The following BRINP2 variants were observed in gnomAD, a reference collection of about 807,000 sequenced individuals.
The protein encoded by BRINP2 is BMP/retinoic acid-inducible neural-specific protein 2.
BRINP2 carries 21 observed loss-of-function variants against 69.2 expected under a neutral mutation model. The observed-to-expected ratio is 0.30, with a 90% CI of 0.22 to 0.44. The LOEUF (loss-of-function observed/expected upper bound fraction) is 0.44. Among genes scored for constraint, BRINP2 ranks in the 20% least tolerant of loss-of-function variants. The probability of loss-of-function intolerance (pLI) is 1.00; values close to 1 mark genes in which losing one functional copy is unlikely to be tolerated. For missense variants in BRINP2, 877 were observed against 986.0 expected (o/e 0.89, Z 1.48); for synonymous variants, 380 against 394.1 (o/e 0.96, Z 0.42).
chr1:177,181,244 C>A (rs190137624), intron 1 of BRINP2, among the ~76,000 whole-genome samples: 16 of 152,330 alleles, frequency 1.1e-4, no homozygotes, highest in South Asian at 2.1e-4. Flanking sequence ...GGAACAAGTG[C>A]CTTGCTCAAA....
intron 4 of BRINP2, among the ~76,000 whole-genome samples, chr1:177,271,038 C>T (rs1048429452): frequency 1.3e-5 from 2 of 152,196 alleles, no homozygotes; most frequent in African/African-American, 4.8e-5. Flanking sequence ...GTGTAACAGC[C>T]AGAACACTGG....
intron 4 of BRINP2, among the ~76,000 whole-genome samples, chr1:177,273,146 G>A (rs1651384264): frequency 6.6e-6 from 1 of 152,144 alleles, no homozygotes; most frequent in African/African-American, 2.4e-5. Flanking sequence ...ACCACATATG[G>A]CCTCTTGCCT....
chr1:177,269,779 G>C (rs1651246557), intron 4 of BRINP2, among the ~76,000 whole-genome samples: 1 of 152,158 alleles, frequency 6.6e-6, no homozygotes, highest in African/African-American at 2.4e-5. Context: ...ATGAGGGTTT[G>C]CATGATCTGG....
chr1:177,211,098 A>G (rs1291163974), intron 1 of BRINP2, among the ~76,000 whole-genome samples: 2 of 151,790 alleles, frequency 1.3e-5, no homozygotes, highest in East Asian at 3.9e-4. Context: ...TATGTCCATA[A>G]AGCTTTAAAT....
At chr1:177,243,036 G>A (rs1650254815) in intron 2 of BRINP2, among the ~76,000 whole-genome samples, 1 of 151,926 alleles carries the variant, frequency 6.6e-6, no homozygotes, top group African/African-American at 2.4e-5. Flanking sequence ...TTTCGTTATA[G>A]GATTATTTGG....
chr1:177,187,402 T>C (rs1050029681), intron 1 of BRINP2, among the ~76,000 whole-genome samples: 1 of 152,218 alleles, frequency 6.6e-6, no homozygotes, highest in Non-Finnish European at 1.5e-5. Context: ...CCAGACCTTT[T>C]GGCAATGATG....
At chr1:177,252,672 T>C (rs1031344982) in intron 2 of BRINP2, among the ~76,000 whole-genome samples, 4 of 152,102 alleles carry the variant, frequency 2.6e-5, no homozygotes, top group Admixed American at 6.6e-5. Context: ...ACATAACTTA[T>C]TCTTCCTAAC....
chr1:177,278,428 C>T, intron 6 of BRINP2, 135 bp from the exon 7 acceptor site: 1 of 762,326 alleles, frequency 1.3e-6, no homozygotes, highest in South Asian at 1.7e-5. Flanking sequence ...AAAAAAGCAC[C>T]CAGGGAAATG....
intron 1 of BRINP2, among the ~76,000 whole-genome samples, chr1:177,182,105 G>GTCCC (rs1558150482): frequency 6.7e-6 from 1 of 149,960 alleles, no homozygotes; most frequent in African/African-American, 2.5e-5. Context: ...TCCTGGTGCC[G>GTCCC]TCCCTCCCTC....
intron 1 of BRINP2, among the ~76,000 whole-genome samples, chr1:177,218,558 C>T (rs1246003376): frequency 6.6e-6 from 1 of 152,140 alleles, no homozygotes; most frequent in South Asian, 2.1e-4. Context: ...CCCAGATAGT[C>T]TAGTCATGTG....
At chr1:177,174,888 C>T (rs1648041888) in intron 1 of BRINP2, among the ~76,000 whole-genome samples, 1 of 152,192 alleles carries the variant, frequency 6.6e-6, no homozygotes. Context: ...GGCCTTCCAC[C>T]CATCCTCAAG....
At position 177,214,602 on chromosome 1, in the gene BRINP2, G is replaced by GT. The variant is rs150513280; in HGVS notation, c.-76-15198dup. ...CCTTCATTTGGCACCAACACCAGGA[G>GT]TGGGGATTTCCGTGATTTAGGCAGT... On this transcript the variant is annotated intron_variant, in intron 1 of 7. Transcript: ENST00000361539. 5.3e-3 allele frequency among the ~76,000 whole-genome samples: 812 copies of GT among 152,352 alleles called. 17 individuals carry two copies. The highest frequency in any genetic ancestry group is 0.045 in the East Asian group (231 of 5,184).
At chr1:177,276,045 C>A (rs545880486) in intron 5 of BRINP2, among the ~76,000 whole-genome samples, 153 bp from the exon 6 acceptor site, 7 of 152,348 alleles carry the variant, frequency 4.6e-5, no homozygotes, top group African/African-American at 1.7e-4. Flanking sequence ...CTCCCCCAAC[C>A]AGCTCAGCAG....
intron 2 of BRINP2, among the ~76,000 whole-genome samples, chr1:177,231,825 C>T (rs1042773093): frequency 1.3e-5 from 2 of 152,142 alleles, no homozygotes; most frequent in African/African-American, 2.4e-5. Context: ...GCTGAGTTTA[C>T]ACCTGCTCAG....
intron 1 of BRINP2, among the ~76,000 whole-genome samples, chr1:177,198,010 G>C (rs1201109993): frequency 1.3e-5 from 2 of 152,186 alleles, no homozygotes; most frequent in Non-Finnish European, 2.9e-5. Context: ...GAAAAAGATG[G>C]ATATGAATAT....
intron 1 of BRINP2, among the ~76,000 whole-genome samples, chr1:177,228,672 C>G (rs71628231): frequency 0.19 from 28,160 of 151,974 alleles, 3,041 homozygotes; most frequent in Non-Finnish European, 0.24. Flanking sequence ...TTGGTGCTGA[C>G]GAGGGGAGAT....
intron 2 of BRINP2, among the ~76,000 whole-genome samples, chr1:177,232,190 G>A (rs1362715824): frequency 6.6e-6 from 1 of 152,210 alleles, no homozygotes; most frequent in East Asian, 1.9e-4. Flanking sequence ...TCAAGGAGCT[G>A]TAGAAACTAG....
At position 177,276,219 on chromosome 1, in the gene BRINP2, A is replaced by C. The variant is rs375648445; in HGVS notation, c.797A>C (p.Glu266Ala). The stretch of plus-strand genomic sequence containing the variant: ...CCAGGCCTTCAGGTGCTGCTGCCTG[A>C]GTATCTGCGTGAGCGCTTTGTAGCT... ...QLLGLQVLLPEYLRERFVAAA... is the reference protein window; with the variant it reads ...QLLGLQVLLPAYLRERFVAAA... The change falls in exon 6 of 8, where the codon GAG becomes GCG. Residue 266 changes from glutamate to alanine, a missense_variant. Coordinates refer to ENST00000361539, the MANE Select transcript of BRINP2 (RefSeq NM_021165.4). 1.0e-4 allele frequency: 163 copies of C among 1,612,892 alleles called. No individual in the cohort carries two copies. Among genetic ancestry groups the C allele is most frequent in the Non-Finnish European group, 1.3e-4 (149 of 1,179,130 alleles).
rs1649804259 is a variant in BRINP2 at position 177,229,731 on chromosome 1, T to A, written c.-76-70T>A. On this transcript the variant is annotated intron_variant, in intron 1 of 7. Coordinates refer to ENST00000361539, the MANE Select transcript of BRINP2 (RefSeq NM_021165.4). ...ATTTCCGGAATGGGCCCAACCCAAT[T>A]ATGTGTGATGCTCACAGGCCCATGG... 6 of 1,142,374 alleles carry A rather than the reference T, an allele frequency of 5.3e-6. No homozygotes were observed. The Admixed American group carries it at 1.6e-4, about 30-fold the overall frequency. The allele number at this position is 1,142,374 out of a possible 1,614,324, so 70.8% of individuals were successfully genotyped here. A position where few individuals can be genotyped will look rare whatever the true frequency, so the allele number is the denominator to read the frequency against.
Sources: gnomAD v4.1 joint callset for allele counts (sites outside exome capture counted in the v4.1 genomes callset) on GRCh38, gnomAD v4.1.1 for gene constraint, MANE v1.5 for transcripts, NCBI Gene and HGNC (gene_info 2026-07-23, HGNC 2026-07-21) for gene names.